The following PTPRT variants were observed in gnomAD, a reference collection of about 807,000 sequenced individuals.
The protein encoded by PTPRT is receptor-type tyrosine-protein phosphatase T.
Under a neutral mutation model 176.8 loss-of-function variants are expected in PTPRT, and 56 were observed. The ratio of observed to expected loss-of-function variants is 0.32; its 90% CI spans 0.26 to 0.40. PTPRT has a LOEUF of 0.40. PTPRT is among the 10% of genes least tolerant of loss of function. The pLI is 1.00. For missense variants in PTPRT, 1,540 were observed against 1,908.2 expected (o/e 0.81, Z 3.60); for synonymous variants, 783 against 739.0 (o/e 1.06, Z -0.96).
At chr20:42,225,339 C>A (rs1385882702) in intron 15 of PTPRT, among the ~76,000 whole-genome samples, 2 of 152,164 alleles carry the variant, frequency 1.3e-5, no homozygotes, top group African/African-American at 4.8e-5. Flanking sequence ...GACAATAATT[C>A]CCCTGGCAAG....
At chr20:42,892,487 TAAA>T (rs76007946) in intron 1 of PTPRT, among the ~76,000 whole-genome samples, 3 of 131,962 alleles carry the variant, frequency 2.3e-5, no homozygotes, top group Non-Finnish European at 1.7e-5. Flanking sequence ...TGGAGCTAAG[TAAA>T]AAAAAAAAAA....
chr20:42,149,858 C>T (rs1303186616), intron 17 of PTPRT, among the ~76,000 whole-genome samples: 1 of 152,082 alleles, frequency 6.6e-6, no homozygotes, highest in East Asian at 1.9e-4. Context: ...TCATCTGGTA[C>T]CCGCCCCAGA....
At chr20:42,579,268 A>G (rs902423882) in intron 7 of PTPRT, among the ~76,000 whole-genome samples, 2 of 152,008 alleles carry the variant, frequency 1.3e-5, no homozygotes, top group African/African-American at 4.8e-5. Flanking sequence ...ATAGTATTCC[A>G]TGGTGTATAT....
rs115833910 is a variant in PTPRT at position 42,263,793 on chromosome 20, G to A, written c.2177-14971C>T. On this transcript the variant is annotated intron_variant, in intron 13 of 30. Transcript: ENST00000373187. The stretch of plus-strand genomic sequence containing the variant: ...ACTGACTCAGCCTCCCAAAGTGCTG[G>A]GATTATGGGTGTGGAGCCACCATAC... Among the ~76,000 whole-genome samples, 454 of 151,832 alleles carry A rather than the reference G, an allele frequency of 3.0e-3. 5 individuals are homozygous for A. The highest frequency in any genetic ancestry group is 9.5e-3 in the African/African-American group (393 of 41,354).
intron 1 of PTPRT, among the ~76,000 whole-genome samples, chr20:43,074,059 G>A (rs1251035628): frequency 6.6e-6 from 1 of 152,052 alleles, no homozygotes; most frequent in Non-Finnish European, 1.5e-5. Context: ...TGGCCCACCT[G>A]TGCTTTATAT....
intron 7 of PTPRT, among the ~76,000 whole-genome samples, chr20:42,522,614 C>T (rs898095277): frequency 1.3e-5 from 2 of 151,968 alleles, no homozygotes; most frequent in African/African-American, 2.4e-5. Flanking sequence ...GTGTGTGCCA[C>T]CACACCCAGC....
chr20:42,332,501 C>A (rs775349042), intron 11 of PTPRT, among the ~76,000 whole-genome samples: 1 of 152,114 alleles, frequency 6.6e-6, no homozygotes, highest in Admixed American at 6.5e-5. Flanking sequence ...TGAGCCACTG[C>A]GCCCGGCCAG....
chr20:43,104,840 G>T (rs1401543271), intron 1 of PTPRT, among the ~76,000 whole-genome samples: 1 of 152,204 alleles, frequency 6.6e-6, no homozygotes, highest in Non-Finnish European at 1.5e-5. Context: ...GTTGTGGTGA[G>T]TATTAAATAG....
At chr20:42,912,183 T>A (rs1978439275) in intron 1 of PTPRT, among the ~76,000 whole-genome samples, 1 of 152,168 alleles carries the variant, frequency 6.6e-6, no homozygotes, top group Non-Finnish European at 1.5e-5. Flanking sequence ...TGTATAAGAC[T>A]GTTCATTTTC....
intron 15 of PTPRT, among the ~76,000 whole-genome samples, chr20:42,210,896 T>C (rs1049772196): frequency 2.1e-4 from 32 of 151,890 alleles, no homozygotes; most frequent in African/African-American, 6.7e-4. Flanking sequence ...CTTCAAACTA[T>C]ACTACAAGGC....
chr20:42,741,232 A>G (rs2076604846), intron 6 of PTPRT, among the ~76,000 whole-genome samples: 1 of 152,202 alleles, frequency 6.6e-6, no homozygotes, highest in South Asian at 2.1e-4. Context: ...TGTTGGCATC[A>G]TGGTTGATAA....
At chr20:43,079,291 G>C (rs2011373886) in intron 1 of PTPRT, among the ~76,000 whole-genome samples, 2 of 145,964 alleles carry the variant, frequency 1.4e-5, no homozygotes, top group Non-Finnish European at 3.0e-5. Context: ...CTCACCTTCA[G>C]TCAACTCTCA....
chr20:42,599,748 G>A (rs2073742875), intron 7 of PTPRT, among the ~76,000 whole-genome samples: 1 of 152,176 alleles, frequency 6.6e-6, no homozygotes, highest in Non-Finnish European at 1.5e-5. Flanking sequence ...ACAATGGGGA[G>A]AAGACTGACT....
chr20:42,564,573 G>T (rs1172272135), intron 7 of PTPRT, among the ~76,000 whole-genome samples: 1 of 152,136 alleles, frequency 6.6e-6, no homozygotes, highest in Non-Finnish European at 1.5e-5. Flanking sequence ...ACTGGGGCCT[G>T]TCAGGAGGTT....
At chr20:42,627,753 G>C (rs747221699) in intron 7 of PTPRT, among the ~76,000 whole-genome samples, 1 of 151,224 alleles carries the variant, frequency 6.6e-6, no homozygotes, top group African/African-American at 2.4e-5. Context: ...CCTGTCTTTC[G>C]TATTTTTTTT....
intron 8 of PTPRT, among the ~76,000 whole-genome samples, chr20:42,452,041 C>G (rs952040874): frequency 6.6e-6 from 1 of 152,088 alleles, no homozygotes; most frequent in African/African-American, 2.4e-5. Flanking sequence ...GAGGCCAAGG[C>G]GGGCAGATCA....
chr20:43,103,183 A>C (rs1490088578), intron 1 of PTPRT, among the ~76,000 whole-genome samples: 1 of 151,792 alleles, frequency 6.6e-6, no homozygotes, highest in African/African-American at 2.4e-5. Flanking sequence ...GTTGGTGAGC[A>C]CTCACCCCTT....
chr20:42,695,881 G>C (rs538545822), intron 6 of PTPRT, among the ~76,000 whole-genome samples: 2 of 152,304 alleles, frequency 1.3e-5, no homozygotes, highest in African/African-American at 4.8e-5. Flanking sequence ...CTGCTGTGGT[G>C]ATATTTAAAG....
At chr20:42,982,275 G>A (rs1431563309) in intron 1 of PTPRT, among the ~76,000 whole-genome samples, 1 of 152,206 alleles carries the variant, frequency 6.6e-6, no homozygotes, top group Non-Finnish European at 1.5e-5. Flanking sequence ...GAGAGAGAGA[G>A]AGCCATGACT....
Sources: allele counts gnomAD v4.1 joint callset (sites outside exome capture counted in the v4.1 genomes callset), GRCh38; gene constraint gnomAD v4.1.1; transcripts MANE v1.5; gene names NCBI Gene and HGNC (gene_info 2026-07-23, HGNC 2026-07-21).